The following TSPAN18 variants were observed in gnomAD, a reference collection of about 807,000 sequenced individuals.
TSPAN18 encodes the protein tetraspanin 18, also known as tetraspanin-18.
A neutral mutation model predicts 27.3 loss-of-function variants in TSPAN18; 14 were observed. That is an observed-to-expected ratio of 0.51 (90% CI 0.34 to 0.80). The LOEUF (loss-of-function observed/expected upper bound fraction) is 0.80, where lower values mean the gene tolerates loss of function less well. Ranked by LOEUF, TSPAN18 falls within the 30% of genes least tolerant of loss-of-function variation. The probability of loss-of-function intolerance (pLI) is 0.01; values close to 1 mark genes in which losing one functional copy is unlikely to be tolerated. For synonymous variants in TSPAN18, 143 were observed against 136.5 expected, an observed-to-expected ratio of 1.05 and a Z score of -0.33; for missense variants, 268 against 323.9, an observed-to-expected ratio of 0.83 and a Z score of 1.32.
At chr11:44,868,365 A>G (rs1238380281) in intron 3 of TSPAN18, among the ~76,000 whole-genome samples, 1 of 152,234 alleles carries the variant, frequency 6.6e-6, no homozygotes, top group Non-Finnish European at 1.5e-5. Context: ...TGGAGGCACC[A>G]GGACATGCAA....
At chr11:44,834,493 T>G (rs997559774) in intron 2 of TSPAN18, among the ~76,000 whole-genome samples, 6 of 152,206 alleles carry the variant, frequency 3.9e-5, no homozygotes, top group South Asian at 2.1e-4. Flanking sequence ...TTTTCCACTT[T>G]GATGAAACCC....
At chr11:44,813,107 A>T (rs1315836800) in intron 2 of TSPAN18, among the ~76,000 whole-genome samples, 1 of 152,128 alleles carries the variant, frequency 6.6e-6, no homozygotes, top group African/African-American at 2.4e-5. Context: ...GATTTCTCCC[A>T]GTCCTGCCAG....
chr11:44,883,366 C>T (rs2135264361), intron 3 of TSPAN18, among the ~76,000 whole-genome samples: 1 of 152,260 alleles, frequency 6.6e-6, no homozygotes, highest in African/African-American at 2.4e-5. Flanking sequence ...CACTGGGAAC[C>T]GTGAAACCAT....
At chr11:44,920,915 C>T (rs570464274) in intron 8 of TSPAN18, among the ~76,000 whole-genome samples, 1 of 152,302 alleles carries the variant, frequency 6.6e-6, no homozygotes, top group East Asian at 1.9e-4. Context: ...ATGATTGCTG[C>T]GAAGAAATAA....
At chr11:44,919,761 C>A (rs1275081178) in intron 7 of TSPAN18, 56 bp from the exon 8 acceptor site, 1 of 1,561,772 alleles carries the variant, frequency 6.4e-7, no homozygotes, top group Non-Finnish European at 8.8e-7. Context: ...CTTCTCTGTC[C>A]CCGCCCCTGT....
At chr11:44,807,378 A>G (rs2135087267) in intron 2 of TSPAN18, among the ~76,000 whole-genome samples, 1 of 143,878 alleles carries the variant, frequency 7.0e-6, no homozygotes, top group East Asian at 1.9e-4. Flanking sequence ...AAAATACAAA[A>G]TTAGCCAGGT....
chr11:44,851,622 C>CCA (rs1169214832), intron 2 of TSPAN18, among the ~76,000 whole-genome samples: 29 of 148,334 alleles, frequency 2.0e-4, no homozygotes, highest in Non-Finnish European at 3.8e-4. Context: ...ACCTCCCCCC[C>CCA]CCAACGGCTG....
In TSPAN18 at chr11:44,857,939, C is replaced by T. The variant is rs568475335; in HGVS notation, c.-152-2389C>T. Among the ~76,000 whole-genome samples, 20 of 152,294 alleles carry T rather than the reference C, an allele frequency of 1.3e-4. No homozygotes were observed. In the South Asian group the frequency reaches 3.9e-3, roughly 30 times the overall value. ...CACGCCCTCCTGAATGTCTCTAGTT[C>T]ACACTCTATTTTAAACAGTCTAGGT... is the stretch of plus-strand genomic sequence containing the variant. On this transcript the variant is annotated intron_variant, in intron 2 of 9. Transcript: ENST00000520358.
At chr11:44,914,849 A>G (rs566625061) in intron 5 of TSPAN18, among the ~76,000 whole-genome samples, 1 of 152,210 alleles carries the variant, frequency 6.6e-6, no homozygotes. Context: ...AGCTATTGCT[A>G]TTTTTCCAGA....
intron 1 of TSPAN18, among the ~76,000 whole-genome samples, chr11:44,749,581 T>G (rs1177549543): frequency 6.6e-6 from 1 of 152,112 alleles, no homozygotes; most frequent in Non-Finnish European, 1.5e-5. Context: ...TGAAGGATGA[T>G]TTACTGCAGT....
At chr11:44,898,867 T>C (rs2135304598) in intron 3 of TSPAN18, among the ~76,000 whole-genome samples, 1 of 152,376 alleles carries the variant, frequency 6.6e-6, no homozygotes, top group Admixed American at 6.5e-5. Context: ...AATATGACTT[T>C]TGAATGTGTG....
At chr11:44,742,022 A>G (rs536067764) in intron 1 of TSPAN18, among the ~76,000 whole-genome samples, 7 of 150,442 alleles carry the variant, frequency 4.7e-5, no homozygotes, top group Non-Finnish European at 8.9e-5. Context: ...AATGCCCAGC[A>G]ATCCAACCGG....
At chr11:44,858,954 TG>T (rs1463692452) in intron 2 of TSPAN18, among the ~76,000 whole-genome samples, 1 of 152,160 alleles carries the variant, frequency 6.6e-6, no homozygotes, top group African/African-American at 2.4e-5. Flanking sequence ...CCACCCCTCC[TG>T]GGGAATGCAC....
intron 1 of TSPAN18, among the ~76,000 whole-genome samples, chr11:44,749,545 C>T (rs1402865408): frequency 6.6e-6 from 1 of 151,996 alleles, no homozygotes; most frequent in Non-Finnish European, 1.5e-5. Context: ...TTGGGGATTG[C>T]ACTTCAAGCA....
intron 1 of TSPAN18, among the ~76,000 whole-genome samples, chr11:44,741,831 G>T (rs983473508): frequency 4.6e-5 from 7 of 152,224 alleles, no homozygotes; most frequent in African/African-American, 1.7e-4. Context: ...CAAGTGCCTA[G>T]CCTGGTGCTG....
chr11:44,825,440 C>T (rs1269841885), intron 2 of TSPAN18, among the ~76,000 whole-genome samples: 1 of 152,196 alleles, frequency 6.6e-6, no homozygotes, highest in Non-Finnish European at 1.5e-5. Context: ...GTCAGTCTGA[C>T]TCCAGTGCTC....
chr11:44,824,018 G>A (rs746457358), intron 2 of TSPAN18, among the ~76,000 whole-genome samples: 12 of 152,128 alleles, frequency 7.9e-5, no homozygotes, highest in African/African-American at 1.7e-4. Flanking sequence ...GCTGGGAATC[G>A]GCTAAAAAGC....
At chr11:44,767,768 T>C (rs1476731675) in intron 2 of TSPAN18, among the ~76,000 whole-genome samples, 1 of 152,256 alleles carries the variant, frequency 6.6e-6, no homozygotes, top group Non-Finnish European at 1.5e-5. Flanking sequence ...CTTTTTGAGT[T>C]AATTTTCATA....
intron 1 of TSPAN18, among the ~76,000 whole-genome samples, chr11:44,755,375 G>A (rs533874819): frequency 1.3e-5 from 2 of 152,158 alleles, no homozygotes; most frequent in East Asian, 3.9e-4. Context: ...AGGCTGATTG[G>A]GACTCATTCT....
Sources: allele counts gnomAD v4.1 joint callset (sites outside exome capture counted in the v4.1 genomes callset), GRCh38; gene constraint gnomAD v4.1.1; transcripts MANE v1.5; gene names NCBI Gene and HGNC (gene_info 2026-07-23, HGNC 2026-07-21).